Variants in TENM3 observed in about 807,000 individuals in gnomAD.
The protein encoded by TENM3 is teneurin transmembrane protein 3.
Under a neutral mutation model 255.1 loss-of-function variants are expected in TENM3, and 63 were observed. The observed-to-expected ratio is 0.25, with a 90% CI of 0.20 to 0.30. The LOEUF (loss-of-function observed/expected upper bound fraction) is 0.30. TENM3 is among the 10% of genes least tolerant of loss of function. The pLI is 1.00. For missense variants in TENM3, 2,929 were observed against 3,461.1 expected, an observed-to-expected ratio of 0.85 and a Z score of 3.86; for synonymous variants, 1,306 against 1,322.3, an observed-to-expected ratio of 0.99 and a Z score of 0.27.
At chr4:182,417,609 A>G (rs560504609) in intron 3 of TENM3, among the ~76,000 whole-genome samples, 1 of 152,308 alleles carries the variant, frequency 6.6e-6, no homozygotes, top group African/African-American at 2.4e-5. Context: ...TATCTAATAA[A>G]CGGCTAAAAG....
the TENM3 span, among the ~76,000 whole-genome samples, chr4:181,772,220 A>G: frequency 6.6e-6 from 1 of 152,186 alleles, no homozygotes; most frequent in Non-Finnish European, 1.5e-5. Context: ...TCTACTAAAA[A>G]TACAAAAATT....
intron 3 of TENM3, among the ~76,000 whole-genome samples, chr4:182,499,041 T>C (rs1736073110): frequency 6.6e-6 from 1 of 152,194 alleles, no homozygotes; most frequent in Admixed American, 6.5e-5. Context: ...CTCAGTAGTA[T>C]AATTCTGGTA....
At chr4:182,755,305 A>T in intron 22 of TENM3, 46 bp downstream of exon 22, 2 of 1,321,098 alleles carry the variant, frequency 1.5e-6, no homozygotes, top group Non-Finnish European at 2.0e-6. Context: ...ACTGTGATAT[A>T]ATAATATCAT....
rs750202878 is a variant in TENM3 at position 182,743,163 on chromosome 4, C to T, written c.3380-7C>T. 1 of 1,586,222 alleles carries T rather than the reference C, an allele frequency of 6.3e-7. No homozygotes were observed. Among genetic ancestry groups the T allele is most frequent in the African/African-American group, 1.3e-5 (1 of 74,130 alleles). ...ATAAGAAAAACAATGCACTTTATTT[C>T]TTCTAGGTATACTGTACAAGGGAAA... On this transcript the variant is annotated splice_region_variant and splice_polypyrimidine_tract_variant and intron_variant, in intron 18 of 27. Transcript: ENST00000511685.
Position 182,324,257 on chromosome 4 carries a change from G to A in TENM3, c.232+5G>A. 6.2e-7 allele frequency: 1 copy of A among 1,600,916 alleles called. No individual in the cohort carries two copies. On this transcript the variant is annotated splice_donor_5th_base_variant and intron_variant, in intron 2 of 27. Transcript: ENST00000511685. The stretch of plus-strand genomic sequence containing the variant: ...CAGACGAGTTCACTAGACAAGGTGG[G>A]TAACTGTCCTAGTAAAATAAGGCAA...
In TENM3 at chr4:182,569,561, GAA is replaced by G. The variant is rs59561269; in HGVS notation, c.512-31351_512-31350del. Among the ~76,000 whole-genome samples, 320 of 126,222 alleles carry G rather than the reference GAA, an allele frequency of 2.5e-3. 2 individuals carry two copies. Among genetic ancestry groups the G allele is most frequent in the African/African-American group, 7.9e-3 (300 of 37,842 alleles). 82.8% of individuals were successfully genotyped at this position (126,222 alleles called of 152,430 possible). A position where few individuals can be genotyped will look rare whatever the true frequency, so the allele number is the denominator to read the frequency against. On this transcript the variant is annotated intron_variant, in intron 3 of 27. Coordinates refer to ENST00000511685, the MANE Select transcript of TENM3 (RefSeq NM_001080477.4). The stretch of plus-strand genomic sequence containing the variant: ...AGAGCAAGACTGTGTCTCAAAAAAA[GAA>G]AAAAAAAAAAAGAAAGAAAGGAAAG...
chr4:181,511,258 A>G, the TENM3 span, among the ~76,000 whole-genome samples: 1 of 152,212 alleles, frequency 6.6e-6, no homozygotes, highest in African/African-American at 2.4e-5. Flanking sequence ...CATGCAATTT[A>G]TACCAAACCT....
the TENM3 span, among the ~76,000 whole-genome samples, chr4:181,604,900 C>T: frequency 2.6e-5 from 4 of 152,172 alleles, no homozygotes; most frequent in Admixed American, 2.6e-4. Flanking sequence ...TCACTCTCCT[C>T]ATCTGGAGAA....
intron 5 of TENM3, among the ~76,000 whole-genome samples, chr4:182,641,097 G>A (rs1369025902): frequency 2.0e-5 from 3 of 152,180 alleles, no homozygotes; most frequent in African/African-American, 7.2e-5. Flanking sequence ...CATCTTAGTT[G>A]ACTGAGTGAT....
At chr4:182,227,279 T>G (rs1213087343) in intron 1 of TENM3, among the ~76,000 whole-genome samples, 1 of 152,166 alleles carries the variant, frequency 6.6e-6, no homozygotes. Flanking sequence ...TCCTCCCCAG[T>G]GCTTAAGTGG....
chr4:181,888,516 G>GTGTATATA, the TENM3 span, among the ~76,000 whole-genome samples: 170 of 41,510 alleles, frequency 4.1e-3, 9 homozygotes, highest in African/African-American at 0.015. Context: ...ATATATATAT[G>GTGTATATA]TATATATATA....
chr4:181,896,488 A>C, the TENM3 span, among the ~76,000 whole-genome samples: 2 of 152,168 alleles, frequency 1.3e-5, no homozygotes, highest in Non-Finnish European at 2.9e-5. Context: ...TTTGTAATTA[A>C]AATTTAGCGT....
intron 3 of TENM3, among the ~76,000 whole-genome samples, chr4:182,436,316 G>A (rs149390979): frequency 1.7e-4 from 26 of 152,308 alleles, no homozygotes; most frequent in African/African-American, 6.3e-4. Flanking sequence ...GAACATCATG[G>A]AAGGGGCAGG....
At chr4:182,758,279 C>T (rs1426630444) in intron 22 of TENM3, among the ~76,000 whole-genome samples, 7 of 152,032 alleles carry the variant, frequency 4.6e-5, no homozygotes, top group Non-Finnish European at 1.0e-4. Context: ...GAGCAAAGGC[C>T]GCCTCTTCTA....
intron 3 of TENM3, among the ~76,000 whole-genome samples, chr4:182,461,694 A>G (rs1054965345): frequency 6.6e-6 from 1 of 152,200 alleles, no homozygotes; most frequent in African/African-American, 2.4e-5. Flanking sequence ...AAACTTATTA[A>G]GAACAGTTTA....
intron 1 of TENM3, among the ~76,000 whole-genome samples, chr4:182,317,983 T>G (rs984210322): frequency 7.9e-5 from 12 of 152,184 alleles, no homozygotes; most frequent in Admixed American, 4.6e-4. Context: ...GCAAAAATTT[T>G]TTGGTACTCT....
At chr4:182,517,350 A>G (rs57434789) in intron 3 of TENM3, among the ~76,000 whole-genome samples, 4,947 of 139,190 alleles carry the variant, frequency 0.036, 112 homozygotes, top group South Asian at 0.08. Context: ...GTAGTCTGTT[A>G]TTTGGTTTAA....
chr4:181,570,405 T>C, the TENM3 span, among the ~76,000 whole-genome samples: 18 of 151,592 alleles, frequency 1.2e-4, no homozygotes, highest in African/African-American at 4.4e-4. Flanking sequence ...GGAGGCTGAG[T>C]TGGGAGGATC....
At chr4:182,025,712 C>T in the TENM3 span, among the ~76,000 whole-genome samples, 2 of 152,084 alleles carry the variant, frequency 1.3e-5, no homozygotes, top group South Asian at 4.1e-4. Flanking sequence ...GGATATAAGC[C>T]ATTTTTTGCT....
Sources: allele counts gnomAD v4.1 joint callset (sites outside exome capture counted in the v4.1 genomes callset), GRCh38; gene constraint gnomAD v4.1.1; transcripts MANE v1.5; gene names NCBI Gene and HGNC (gene_info 2026-07-23, HGNC 2026-07-21).